ZNF568: variants seen among roughly 807,000 people sequenced by gnomAD.
ZNF568 encodes the protein p53 inhibitor of SCO2 activation.
A neutral mutation model predicts 18.1 loss-of-function variants in ZNF568; 11 were observed. That is an observed-to-expected ratio of 0.61 (90% confidence interval 0.38 to 1.00). ZNF568 has a LOEUF of 1.00. Among genes scored for constraint, ZNF568 ranks in the 50% least tolerant of loss-of-function variants. The pLI, the probability that ZNF568 is intolerant of heterozygous loss-of-function variation, is 0.01. For missense variants in ZNF568, 639 were observed against 768.2 expected (o/e 0.83, Z 1.99); for synonymous variants, 213 against 246.6 (o/e 0.86, Z 1.28).
At chr19:36,936,232 C>T (rs1331432998) in intron 4 of ZNF568, among the ~76,000 whole-genome samples, 1 of 152,146 alleles carries the variant, frequency 6.6e-6, no homozygotes, top group East Asian at 1.9e-4. Context: ...TCTATTCCCT[C>T]TTCCCTTGTT....
At position 36,966,098 on chromosome 19, in the gene ZNF568, A is replaced by G. The variant is rs959132026; in HGVS notation, c.359-8322A>G. On this transcript the variant is annotated intron_variant, in intron 6 of 7. Coordinates refer to the ZNF568 transcript ENST00000427117. ...TCAGAAGTTCAAGACCAGCCTGGCC[A>G]ACATGGTGAAAGCCTGTCTCTACTA... is the stretch of plus-strand genomic sequence containing the variant. 2.0e-5 allele frequency among the ~76,000 whole-genome samples: 3 copies of G among 151,944 alleles called. No individual in the cohort carries two copies. The South Asian group carries it at 6.2e-4, about 31-fold the overall frequency.
At chr19:36,974,618 G>A (rs2074265327) in intron 7 of ZNF568, among the ~76,000 whole-genome samples, 1 of 152,126 alleles carries the variant, frequency 6.6e-6, no homozygotes, top group Admixed American at 6.5e-5. Flanking sequence ...TCCTAAAGCA[G>A]CCTAGGGCTG....
intron 6 of ZNF568, among the ~76,000 whole-genome samples, chr19:36,966,749 C>T (rs1015867668): frequency 2.0e-5 from 3 of 152,186 alleles, no homozygotes; most frequent in Non-Finnish European, 2.9e-5. Context: ...GCTTCATGGT[C>T]CATCAGTGGG....
downstream of ZNF568, among the ~76,000 whole-genome samples, chr19:36,981,501 ATAAT>A (rs1275088356): frequency 5.3e-5 from 8 of 152,330 alleles, no homozygotes; most frequent in South Asian, 6.2e-4. Flanking sequence ...TAAATATTTT[ATAAT>A]TAGAGTCTTA....
In ZNF568 at chr19:36,979,073, TC is replaced by T. The variant is rs1055943325; in HGVS notation, c.478del (p.Arg160GlufsTer4). The T allele has an allele frequency of 3.4e-6, 1 of 292,592 alleles. No individual in the cohort carries two copies. The highest frequency in any genetic ancestry group is 2.4e-5 in the African/African-American group (1 of 41,432). The allele number at this position is 292,592 out of a possible 1,614,324, so 18.1% of individuals were successfully genotyped here. ...ATCTCAGCTCACCGCAACCTCTGCCTCCCGAGTTGAAGTGATTCTCCTGCCT... is the reference window on the plus strand; with the variant it reads ...ATCTCAGCTCACCGCAACCTCTGCCTCCGAGTTGAAGTGATTCTCCTGCCT... On this transcript the variant is annotated frameshift_variant, in exon 8 of 8. Coordinates refer to the ZNF568 transcript ENST00000427117. LOFTEE classifies it high-confidence loss of function.
At chr19:36,956,239 G>A (rs1035912726), downstream of ZNF568, among the ~76,000 whole-genome samples, 2 of 152,088 alleles carry the variant, frequency 1.3e-5, no homozygotes, top group Non-Finnish European at 2.9e-5. Context: ...TGAGAATCTT[G>A]GCTGCTGACA....
chr19:36,995,818 A>G (rs1309730076), intron 4 of ZNF568, among the ~76,000 whole-genome samples: 2 of 152,130 alleles, frequency 1.3e-5, no homozygotes, highest in African/African-American at 4.8e-5. Context: ...CTTTGCTCCA[A>G]AATACTTCTG....
At chr19:36,987,822 C>CTCTG (rs2074388920) in intron 2 of ZNF568, among the ~76,000 whole-genome samples, 1 of 146,300 alleles carries the variant, frequency 6.8e-6, no homozygotes, top group African/African-American at 2.5e-5. Flanking sequence ...AACACAGACT[C>CTCTG]TGTGTGTGTG....
intron 4 of ZNF568, among the ~76,000 whole-genome samples, chr19:36,927,895 ATATATATATTTTTTTTTT>A (rs2073602990): frequency 7.8e-5 from 2 of 25,762 alleles, no homozygotes; most frequent in African/African-American, 2.4e-4. Flanking sequence ...TATTATATAT[ATATATATATTTTTTTTTT>A]TTTTTTTTTT....
At chr19:36,939,076 T>C (rs2146293974) in intron 6 of ZNF568, among the ~76,000 whole-genome samples, 1 of 152,348 alleles carries the variant, frequency 6.6e-6, no homozygotes, top group African/African-American at 2.4e-5. Context: ...TACCTCACAC[T>C]GACCTCCTTT....
At position 36,922,776 on chromosome 19, in the gene ZNF568, A is replaced by T. The variant is rs758418244; in HGVS notation, c.6A>T (p.Thr2=). The T allele has an allele frequency of 1.2e-6, 2 of 1,613,910 alleles. No homozygotes were observed. The highest frequency in any genetic ancestry group is 1.6e-4 in the Middle Eastern group (1 of 6,068). The change falls in exon 3 of 7, where the codon ACA becomes ACT. Residue 2 remains threonine, a synonymous_variant. Coordinates refer to ENST00000333987, the MANE Select transcript of ZNF568 (RefSeq NM_198539.4). M[T]SQSSVISNSC... is the part of the protein sequence containing the mutation. ...CCAGAGCAGGCAGGGTCTGAATGAC[A>T]TCTCAATCTTCAGTGATCAGCAATA... is the stretch of plus-strand genomic sequence containing the variant.
At chr19:36,965,127 G>A (rs995104461) in intron 6 of ZNF568, among the ~76,000 whole-genome samples, 22 of 152,008 alleles carry the variant, frequency 1.4e-4, no homozygotes, top group Admixed American at 7.9e-4. Flanking sequence ...AATATTTGTC[G>A]CCTCCAAAAT....
chr19:36,974,704 T>C (rs1243739378), intron 7 of ZNF568, among the ~76,000 whole-genome samples: 1 of 152,182 alleles, frequency 6.6e-6, no homozygotes, highest in Non-Finnish European at 1.5e-5. Context: ...ACAACAGTGT[T>C]GACAGAGAAC....
At chr19:36,948,658 A>ATTTTTTTTTTGTTTTTTTTTTTTTTT (rs2074004880) in intron 6 of ZNF568, among the ~76,000 whole-genome samples, 1 of 83,576 alleles carries the variant, frequency 1.2e-5, no homozygotes. Context: ...TTTGTTGTTG[A>ATTTTTTTTTTGTTTTTTTTTTTTTTT]TTTTTTTTTT....
At chr19:36,977,741 C>T (rs1307641044) in intron 7 of ZNF568, among the ~76,000 whole-genome samples, 1 of 152,190 alleles carries the variant, frequency 6.6e-6, no homozygotes, top group East Asian at 1.9e-4. Context: ...CTCCCTGTAT[C>T]TTCTGTCCTG....
chr19:36,922,343 C>A (rs2073471190), intron 2 of ZNF568, among the ~76,000 whole-genome samples: 1 of 152,176 alleles, frequency 6.6e-6, no homozygotes, highest in Admixed American at 6.5e-5. Context: ...CCTCAACATC[C>A]ATGATCCAAA....
chr19:36,958,310 T>C (rs1182903590), intron 6 of ZNF568, among the ~76,000 whole-genome samples: 1 of 152,184 alleles, frequency 6.6e-6, no homozygotes, highest in African/African-American at 2.4e-5. Flanking sequence ...AGGGAATATT[T>C]CCTTTTTCTA....
Position 36,940,881 on chromosome 19 carries a change from G to A in ZNF568, c.358+3639G>A, listed in dbSNP as rs755147220. ...AAAATGTTTGGAAAGTAAAATTAGC[G>A]TGTCTGTTTGGGGGGTAAAATTAGA... On this transcript the variant is annotated intron_variant, in intron 6 of 6. Transcript: ENST00000333987. Among the ~76,000 whole-genome samples the A allele has an allele frequency of 4.9e-4, 74 of 152,260 alleles. 1 individual carries two copies. The highest frequency in any genetic ancestry group is 1.5e-3 in the African/African-American group (63 of 41,562).
chr19:36,976,093 A>G (rs529386444), intron 7 of ZNF568, among the ~76,000 whole-genome samples: 1 of 152,328 alleles, frequency 6.6e-6, no homozygotes, highest in African/African-American at 2.4e-5. Flanking sequence ...TTAAAGTGAT[A>G]TACAATTTTT....
Sources: gnomAD v4.1 joint callset for allele counts (sites outside exome capture counted in the v4.1 genomes callset) on GRCh38, gnomAD v4.1.1 for gene constraint, MANE v1.5 for transcripts, NCBI Gene and HGNC (gene_info 2026-07-23, HGNC 2026-07-21) for gene names.